Variants in SMCHD1 observed in about 807,000 individuals in gnomAD.
SMCHD1 encodes structural maintenance of chromosomes flexible hinge domain containing 1.
A neutral mutation model predicts 254.7 loss-of-function variants in SMCHD1; 78 were observed. The observed-to-expected ratio is 0.31, with a 90% CI of 0.26 to 0.37. The LOEUF (loss-of-function observed/expected upper bound fraction) is 0.37, where lower values mean the gene tolerates loss of function less well. Ranked by LOEUF, SMCHD1 falls within the 10% of genes least tolerant of loss-of-function variation. SMCHD1 has a pLI of 1.00. For synonymous variants in SMCHD1, 766 were observed against 794.9 expected, an observed-to-expected ratio of 0.96 and a Z score of 0.61; for missense variants, 1,840 against 2,408.1, an observed-to-expected ratio of 0.76 and a Z score of 4.94.
At chr18:2,658,624 A>G (rs376005336) in intron 1 of SMCHD1, among the ~76,000 whole-genome samples, 3 of 152,150 alleles carry the variant, frequency 2.0e-5, no homozygotes, top group Non-Finnish European at 2.9e-5. Context: ...TGAGAAGGCT[A>G]ACTTTTTTGT....
intron 47 of SMCHD1, chr18:2,801,209 TACTC>T (rs1323444072): frequency 6.6e-6 from 1 of 152,088 alleles, no homozygotes; most frequent in Admixed American, 6.6e-5. Context: ...ACTGACAAAA[TACTC>T]ACTAAGATAC....
chr18:2,788,150 A>G (rs2076268092), intron 45 of SMCHD1, among the ~76,000 whole-genome samples: 2 of 152,230 alleles, frequency 1.3e-5, no homozygotes, highest in Admixed American at 1.3e-4. Flanking sequence ...GGCCATCACC[A>G]TAAAAATTGT....
intron 44 of SMCHD1, among the ~76,000 whole-genome samples, chr18:2,781,744 G>T (rs924933373): frequency 6.6e-6 from 1 of 152,064 alleles, no homozygotes; most frequent in Admixed American, 6.6e-5. Context: ...TAACTGAACA[G>T]GTTTAACATC....
At chr18:2,664,631 T>C (rs1233259254) in intron 1 of SMCHD1, among the ~76,000 whole-genome samples, 1 of 152,206 alleles carries the variant, frequency 6.6e-6, no homozygotes, top group Non-Finnish European at 1.5e-5. Context: ...GCTTTGTAGG[T>C]AGTACTGATA....
chr18:2,747,390 T>C, intron 29 of SMCHD1, 132 bp from the exon 30 acceptor site: 2 of 754,692 alleles, frequency 2.7e-6, no homozygotes, highest in Non-Finnish European at 3.9e-6. Context: ...AAAAGTTCAT[T>C]TTCATTGACC....
At chr18:2,748,425 C>T (rs2075509321) in intron 30 of SMCHD1, among the ~76,000 whole-genome samples, 1 of 60 alleles carries the variant, frequency 0.017, no homozygotes. Context: ...CAGAGTCTCG[C>T]TGCAACGCCC....
chr18:2,733,931 G>A (rs2075196481), intron 25 of SMCHD1, among the ~76,000 whole-genome samples: 1 of 152,178 alleles, frequency 6.6e-6, no homozygotes, highest in Non-Finnish European at 1.5e-5. Flanking sequence ...TTAGTACGGA[G>A]TCCCAATTAG....
At chr18:2,757,208 T>C (rs1451824874) in intron 34 of SMCHD1, among the ~76,000 whole-genome samples, 1 of 152,058 alleles carries the variant, frequency 6.6e-6, no homozygotes, top group African/African-American at 2.4e-5. Context: ...TCAAAAATTG[T>C]TTTTTCTTTT....
intron 30 of SMCHD1, 80 bp from the exon 31 acceptor site, chr18:2,749,963 A>G (rs1179602910): frequency 3.2e-6 from 4 of 1,248,542 alleles, no homozygotes; most frequent in African/African-American, 1.5e-5. Flanking sequence ...ATAGAGGGAA[A>G]GAACATTGTA....
intron 20 of SMCHD1, among the ~76,000 whole-genome samples, chr18:2,723,972 A>G (rs1471579550): frequency 2.0e-5 from 3 of 151,880 alleles, no homozygotes; most frequent in Non-Finnish European, 4.4e-5. Context: ...TTTCTAGCAG[A>G]TAAGTTTGGT....
intron 34 of SMCHD1, among the ~76,000 whole-genome samples, chr18:2,759,891 C>A (rs2075756803): frequency 6.6e-6 from 1 of 152,080 alleles, no homozygotes; most frequent in Admixed American, 6.6e-5. Context: ...CTCAATATAA[C>A]TTTCTTAGGA....
chr18:2,777,062 T>TCCC (rs11322545), intron 42 of SMCHD1, among the ~76,000 whole-genome samples: 60 of 132,246 alleles, frequency 4.5e-4, no homozygotes, highest in East Asian at 3.7e-3. Flanking sequence ...CACCACCACC[T>TCCC]CCCCCCCCCA....
At chr18:2,662,021 C>T (rs1204648290) in intron 1 of SMCHD1, among the ~76,000 whole-genome samples, 6 of 142,942 alleles carry the variant, frequency 4.2e-5, no homozygotes, top group Non-Finnish European at 6.0e-5. Context: ...TAGCCGGGCG[C>T]GGTGGCAGGC....
chr18:2,724,973 C>T lies in SMCHD1; in HGVS notation c.2678C>T (p.Pro893Leu), dbSNP rs900090358. ...ATTCGAGGTGTTACAGCCAAGGGCCCTGTAAACTCTTGTCAAGGCAAGGTA... is the reference window on the plus strand; with the variant it reads ...ATTCGAGGTGTTACAGCCAAGGGCCTTGTAAACTCTTGTCAAGGCAAGGTA... ...CVIRGVTAKGPVNSCQGKNYN... is the reference protein window; with the variant it reads ...CVIRGVTAKGLVNSCQGKNYN... The change falls in exon 21 of 48, where the codon CCT (proline) becomes CTT (leucine). Residue 893 changes from proline (P) to leucine (L), a missense_variant. Pro to Leu is a moderately conservative substitution (Grantham distance 98). Around this residue, in one of 9 missense-constraint regions of SMCHD1, gnomAD observed 881 missense variants for 1,009.5 expected, o/e 0.87. Coordinates refer to ENST00000320876, the MANE Select transcript of SMCHD1 (RefSeq NM_015295.3). 2.5e-6 allele frequency: 4 copies of T among 1,582,426 alleles called. No homozygotes were observed. The highest frequency in any genetic ancestry group is 3.4e-6 in the Non-Finnish European group (4 of 1,160,298).
At chr18:2,781,382 CTTCACGGTAA>C in intron 44 of SMCHD1, among the ~76,000 whole-genome samples, 1 of 152,284 alleles carries the variant, frequency 6.6e-6, no homozygotes, top group Non-Finnish European at 1.5e-5. Flanking sequence ...TTCTGAAAAC[CTTCACGGTAA>C]ACATTTGGTT....
chr18:2,734,342 G>A (rs1043581815), intron 25 of SMCHD1, among the ~76,000 whole-genome samples: 6 of 152,116 alleles, frequency 3.9e-5, no homozygotes, highest in African/African-American at 9.7e-5. Context: ...AAGAAAAACC[G>A]ACTGGAGAGC....
At chr18:2,787,065 C>T (rs1297178667) in intron 45 of SMCHD1, among the ~76,000 whole-genome samples, 1 of 152,194 alleles carries the variant, frequency 6.6e-6, no homozygotes, top group African/African-American at 2.4e-5. Context: ...TTGGCATACA[C>T]TTCTTCTGGC....
At chr18:2,778,828 GCCCACCGCAGTGA>G (rs2076108744) in intron 44 of SMCHD1, 1 of 152,264 alleles carries the variant, frequency 6.6e-6, no homozygotes, top group Non-Finnish European at 1.5e-5. Context: ...CTGGATTAGG[GCCCACCGCAGTGA>G]CCTCATATTA....
chr18:2,748,342 T>TTTGTGTG (rs1491395194), intron 30 of SMCHD1, among the ~76,000 whole-genome samples: 2 of 78,428 alleles, frequency 2.6e-5, no homozygotes, highest in Non-Finnish European at 4.9e-5. Context: ...CTTTGCAAAG[T>TTTGTGTG]TGTGTGTGTG....
Sources: gnomAD v4.1 joint callset for allele counts (sites outside exome capture counted in the v4.1 genomes callset) on GRCh38, gnomAD v4.1.1 for gene constraint, gnomAD v4.1.1 regional missense constraint, MANE v1.5 for transcripts, NCBI Gene and HGNC (gene_info 2026-07-23, HGNC 2026-07-21) for gene names.